Variants in NUCB2 observed in about 807,000 individuals in gnomAD.
NUCB2 encodes nucleobindin-2.
NUCB2 carries 48 observed loss-of-function variants against 57.9 expected under a neutral mutation model. That is an observed-to-expected ratio of 0.83 (90% CI 0.66 to 1.05). NUCB2 has a LOEUF of 1.05. Ranked by LOEUF, NUCB2 falls within the 50% of genes least tolerant of loss-of-function variation. The probability of loss-of-function intolerance (pLI) is 0.00; values close to 1 mark genes in which losing one functional copy is unlikely to be tolerated. For synonymous variants in NUCB2, 139 were observed against 152.1 expected (o/e 0.91, Z 0.64); for missense variants, 442 against 476.2 (o/e 0.93, Z 0.67).
In NUCB2 at chr11:17,331,927, C is replaced by T. The variant is rs553712930; in HGVS notation, c.*508C>T. 1 of 152,416 alleles carries T rather than the reference C, an allele frequency of 6.6e-6. No individual in the cohort carries two copies. The highest frequency in any genetic ancestry group is 1.9e-4 in the East Asian group (1 of 5,190). 9.4% of individuals were successfully genotyped at this position (152,416 alleles called of 1,614,324 possible). On this transcript the variant is annotated 3_prime_UTR_variant, in exon 14 of 14. Coordinates refer to ENST00000529010, the MANE Select transcript of NUCB2 (RefSeq NM_005013.4). Reference sequence around the variant, plus strand: ...GTAACGTTTTTCTAGTTTTGGCAACCTCAACTGCTAGAAATTCTTCACCTG... The same window carrying T: ...GTAACGTTTTTCTAGTTTTGGCAACTTCAACTGCTAGAAATTCTTCACCTG...
intron 5 of NUCB2, among the ~76,000 whole-genome samples, chr11:17,302,286 G>C (rs1000258952): frequency 2.6e-5 from 4 of 152,034 alleles, no homozygotes; most frequent in Non-Finnish European, 1.5e-5. Context: ...TATTGATTTG[G>C]CTTCTCTTAA....
chr11:17,302,918 T>G (rs1447357927), intron 5 of NUCB2, among the ~76,000 whole-genome samples: 2 of 152,122 alleles, frequency 1.3e-5, no homozygotes, highest in African/African-American at 4.8e-5. Flanking sequence ...TTTTGTATTT[T>G]TAGTAGAGAC....
intron 11 of NUCB2, among the ~76,000 whole-genome samples, chr11:17,321,955 A>G (rs1591523906): frequency 6.6e-6 from 1 of 152,060 alleles, no homozygotes; most frequent in African/African-American, 2.4e-5. Context: ...ATAATTCCCT[A>G]TAGAGTTGTT....
chr11:17,348,627 A>G (rs1952965378), intron 2 of NUCB2, among the ~76,000 whole-genome samples: 1 of 148,568 alleles, frequency 6.7e-6, no homozygotes, highest in African/African-American at 2.4e-5. Context: ...GGCATAAGCC[A>G]CTACACCTGG....
chr11:17,324,677 G>A (rs1025889166), intron 11 of NUCB2, among the ~76,000 whole-genome samples: 6 of 151,942 alleles, frequency 3.9e-5, no homozygotes, highest in East Asian at 1.9e-4. Flanking sequence ...CAAGTGATCC[G>A]CCCACCTTGG....
chr11:17,304,153 G>A (rs1947240087), intron 5 of NUCB2, among the ~76,000 whole-genome samples: 1 of 151,740 alleles, frequency 6.6e-6, no homozygotes, highest in Admixed American at 6.6e-5. Context: ...GGAGGTACAA[G>A]CCAAAACATT....
At chr11:17,333,140 T>C (rs184407330), downstream of NUCB2, 1 of 152,368 alleles carries the variant, frequency 6.6e-6, no homozygotes, top group African/African-American at 2.4e-5. Flanking sequence ...ATATATTCCT[T>C]GGTTTGCCTA....
intron 1 of NUCB2, chr11:17,277,222 A>T (rs1271136510): frequency 1.3e-5 from 2 of 152,252 alleles, no homozygotes; most frequent in Non-Finnish European, 2.9e-5. Flanking sequence ...GCCGCTCAGC[A>T]AAGCTAGGCC....
intron 11 of NUCB2, among the ~76,000 whole-genome samples, chr11:17,326,530 G>C (rs2139367023): frequency 6.6e-6 from 1 of 151,266 alleles, no homozygotes; most frequent in East Asian, 1.9e-4. Flanking sequence ...TGTTGGTCAG[G>C]CTGGTCTCGA....
intron 11 of NUCB2, among the ~76,000 whole-genome samples, chr11:17,324,767 A>G (rs1251473663): frequency 6.8e-6 from 1 of 146,936 alleles, no homozygotes; most frequent in Non-Finnish European, 1.5e-5. Context: ...GACCTAGCAT[A>G]TTGTCTATTT....
At chr11:17,322,056 T>C (rs1157337146) in intron 11 of NUCB2, among the ~76,000 whole-genome samples, 1 of 152,188 alleles carries the variant, frequency 6.6e-6, no homozygotes, top group Non-Finnish European at 1.5e-5. Context: ...CCCTTCACTT[T>C]GTTGATTTTT....
intron 11 of NUCB2, among the ~76,000 whole-genome samples, chr11:17,327,638 C>G (rs151186990): frequency 6.6e-6 from 1 of 152,102 alleles, no homozygotes; most frequent in Non-Finnish European, 1.5e-5. Flanking sequence ...TTTGTGTCCT[C>G]TGTATTTTCA....
At chr11:17,317,631 A>G in intron 11 of NUCB2, 1 of 394,168 alleles carries the variant, frequency 2.5e-6, no homozygotes, top group Non-Finnish European at 5.2e-6. Flanking sequence ...TATGTTGTAC[A>G]ATGTCCCTTG....
chr11:17,290,001 T>C (rs1944652880), intron 2 of NUCB2, among the ~76,000 whole-genome samples: 1 of 152,212 alleles, frequency 6.6e-6, no homozygotes, highest in Admixed American at 6.5e-5. Flanking sequence ...GGAGGCATAG[T>C]TGGTTTCTGC....
chr11:17,330,834 T>G lies in NUCB2; in HGVS notation c.1174-68T>G, dbSNP rs929135978. On this transcript the variant is annotated intron_variant, in intron 12 of 13. Coordinates refer to ENST00000529010, the MANE Select transcript of NUCB2 (RefSeq NM_005013.4). The surrounding 1 kb of genome is among the most constrained non-coding windows in gnomAD (Gnocchi z 4.3). ...ACAATTTTCATTTACTTTGTTGTGC[T>G]TTGTCAAAGGTCACACATATGATAG... The G allele has an allele frequency of 2.2e-6, 2 of 917,344 alleles. No individual in the cohort carries two copies. Among genetic ancestry groups the G allele is most frequent in the Non-Finnish European group, 3.6e-6 (2 of 556,390 alleles). 56.8% of individuals were successfully genotyped at this position (917,344 alleles called of 1,614,324 possible).
At chr11:17,312,577 A>G (rs1948661976) in intron 10 of NUCB2, among the ~76,000 whole-genome samples, 2 of 151,460 alleles carry the variant, frequency 1.3e-5, no homozygotes, top group South Asian at 4.2e-4. Flanking sequence ...TAATTTTTTT[A>G]TTTTTAGTAG....
At chr11:17,349,101 C>G (rs1953019480) in intron 2 of NUCB2, among the ~76,000 whole-genome samples, 1 of 152,072 alleles carries the variant, frequency 6.6e-6, no homozygotes, top group African/African-American at 2.4e-5. Context: ...TTATACTGAG[C>G]CAAAATCTCT....
chr11:17,279,993 ATGT>A (rs1942228507), intron 1 of NUCB2, among the ~76,000 whole-genome samples: 1 of 151,944 alleles, frequency 6.6e-6, no homozygotes, highest in African/African-American at 2.4e-5. Flanking sequence ...AGGCCTCGCC[ATGT>A]TGTCCAGGCT....
At chr11:17,323,430 G>A (rs189530951) in intron 11 of NUCB2, among the ~76,000 whole-genome samples, 5 of 152,214 alleles carry the variant, frequency 3.3e-5, no homozygotes, top group Admixed American at 6.5e-5. Flanking sequence ...CCAGTTGGCC[G>A]TGATGTATGA....
Sources: gnomAD v4.1 joint callset for allele counts (sites outside exome capture counted in the v4.1 genomes callset) on GRCh38, gnomAD v4.1.1 for gene constraint, Gnocchi (gnomAD v3.1) non-coding constraint, MANE v1.5 for transcripts, NCBI Gene and HGNC (gene_info 2026-07-23, HGNC 2026-07-21) for gene names.